Variants in SUPT7L observed in about 807,000 individuals in gnomAD.
SUPT7L encodes STAGA complex 65 subunit gamma.
A neutral mutation model predicts 35.7 loss-of-function variants in SUPT7L; 15 were observed. That is an observed-to-expected ratio of 0.42 (90% confidence interval 0.28 to 0.65). SUPT7L has a LOEUF of 0.65. Ranked by LOEUF, SUPT7L falls within the 30% of genes least tolerant of loss-of-function variation. The pLI is 0.23. For synonymous variants in SUPT7L, 168 were observed against 186.2 expected (o/e 0.90, Z 0.79); for missense variants, 434 against 522.2 (o/e 0.83, Z 1.65).
downstream of SUPT7L, among the ~76,000 whole-genome samples, chr2:27,649,784 G>A (rs1452381002): frequency 2.0e-5 from 3 of 152,090 alleles, no homozygotes; most frequent in African/African-American, 7.2e-5. Flanking sequence ...ACTGATATTT[G>A]GGTAGATTTT....
At position 27,653,269 on chromosome 2, in the gene SUPT7L, T is replaced by C; in HGVS notation, c.*216A>G. ...ATTGCCATGCCAGCATCATATTTTA[T>C]CTGTGAAGGGTGGCTTGGTTGTGGA... On this transcript the variant is annotated 3_prime_UTR_variant, in exon 6 of 6. Transcript: ENST00000337768. The C allele has an allele frequency of 1.7e-6, 1 of 593,920 alleles. No homozygotes were observed. The highest frequency in any genetic ancestry group is 2.1e-5 in the South Asian group (1 of 48,016). The allele number at this position is 593,920 out of a possible 1,614,324, so 36.8% of individuals were successfully genotyped here.
At chr2:27,655,783 A>G (rs970498598) in intron 4 of SUPT7L, among the ~76,000 whole-genome samples, 181 bp from the exon 5 acceptor site, 3 of 152,232 alleles carry the variant, frequency 2.0e-5, no homozygotes, top group Admixed American at 1.3e-4. Flanking sequence ...AGAGATATGT[A>G]AAGAAAATTG....
chr2:27,657,304 GCA>G lies in SUPT7L; in HGVS notation c.744+39_744+40del. On this transcript the variant is annotated intron_variant, in intron 4 of 5. Transcript: ENST00000337768. The surrounding 1 kb of genome is among the most constrained non-coding windows in gnomAD (Gnocchi z 5.2). ...GGATCCTGCTGAACACTCCGAGATT[GCA>G]CAGACATCTGTGCCCACTTTTCAAC... The G allele has an allele frequency of 6.3e-7, 1 of 1,591,894 alleles. No homozygotes were observed. Among genetic ancestry groups the G allele is most frequent in the Non-Finnish European group, 8.6e-7 (1 of 1,166,474 alleles).
chr2:27,663,158 T>TGAGG (rs1479624347), intron 1 of SUPT7L, among the ~76,000 whole-genome samples, 171 bp downstream of exon 1: 3 of 151,988 alleles, frequency 2.0e-5, no homozygotes, highest in African/African-American at 7.2e-5. Context: ...TTTTTCAGAG[T>TGAGG]GAGGGCTGAG....
downstream of SUPT7L, among the ~76,000 whole-genome samples, chr2:27,647,420 C>G (rs2148089538): frequency 6.6e-6 from 1 of 152,288 alleles, no homozygotes; most frequent in East Asian, 1.9e-4. Flanking sequence ...CAGACCTTCT[C>G]TGAACTTACA....
At position 27,652,514 on chromosome 2, in the gene SUPT7L, A is replaced by C. The variant is rs1253774826; in HGVS notation, c.*971T>G. 2 of 152,452 alleles carry C rather than the reference A, an allele frequency of 1.3e-5. No homozygotes were observed. The highest frequency in any genetic ancestry group is 3.7e-4 in the East Asian group (2 of 5,338). The allele number at this position is 152,452 out of a possible 1,614,324, so 9.4% of individuals were successfully genotyped here. A position where few individuals can be genotyped will look rare whatever the true frequency, so the allele number is the denominator to read the frequency against. On this transcript the variant is annotated 3_prime_UTR_variant, in exon 6 of 6. Transcript: ENST00000337768. ...TCATTTACTTAATAAATACTGATTC[A>C]GTACTTATATATACAGATAGTCTGA...
intron 3 of SUPT7L, among the ~76,000 whole-genome samples, chr2:27,659,957 AAG>A (rs1674970942): frequency 6.6e-6 from 1 of 152,316 alleles, no homozygotes; most frequent in Admixed American, 6.5e-5. Flanking sequence ...GAAAATAAAA[AAG>A]TAATTGGCAT....
At chr2:27,661,885 A>G (rs1321356144) in intron 2 of SUPT7L, 1 of 473,038 alleles carries the variant, frequency 2.1e-6, no homozygotes, top group African/African-American at 2.0e-5. Flanking sequence ...GATAATAAGA[A>G]GTGGTTCTTA....
chr2:27,662,201 T>C lies in SUPT7L; in HGVS notation c.-9A>G, dbSNP rs779153508. 6.8e-6 allele frequency: 11 copies of C among 1,614,034 alleles called. No homozygotes were observed. The highest frequency in any genetic ancestry group is 2.7e-5 in the African/African-American group (2 of 74,944). ...CACCTTTGCAGATTCATTGTCCATA[T>C]GTCTCTTCAAGTTCAACAAACATTT... On this transcript the variant is annotated 5_prime_UTR_variant, in exon 2 of 6. Coordinates refer to ENST00000337768, the MANE Select transcript of SUPT7L (RefSeq NM_014860.3).
At chr2:27,644,981 T>A in the SUPT7L span, among the ~76,000 whole-genome samples, 2 of 152,152 alleles carry the variant, frequency 1.3e-5, no homozygotes, top group East Asian at 1.9e-4. Context: ...TTATTTATTT[T>A]TTTTGAGATA....
chr2:27,662,228 T>C lies in SUPT7L; in HGVS notation c.-36A>G. The stretch of plus-strand genomic sequence containing the variant: ...TCTCTTCAAGTTCAACAAACATTTA[T>C]CAAATGCCAGGCATTCTGTGTCGGT... On this transcript the variant is annotated 5_prime_UTR_variant, in exon 2 of 6. The change abolishes the stop of an existing upstream ORF in the 5' untranslated region. Coordinates refer to ENST00000337768, the MANE Select transcript of SUPT7L (RefSeq NM_014860.3). 1 of 1,611,664 alleles carries C rather than the reference T, an allele frequency of 6.2e-7. No homozygotes were observed. The highest frequency in any genetic ancestry group is 8.5e-7 in the Non-Finnish European group (1 of 1,177,766).
At position 27,653,382 on chromosome 2, in the gene SUPT7L, T is replaced by TAA. The variant is rs766169652; in HGVS notation, c.*101_*102dup. The TAA allele has an allele frequency of 6.8e-7, 1 of 1,477,522 alleles. No individual in the cohort carries two copies. Among genetic ancestry groups the TAA allele is most frequent in the Non-Finnish European group, 9.0e-7 (1 of 1,110,754 alleles). The allele number at this position is 1,477,522 out of a possible 1,614,324, so 91.5% of individuals were successfully genotyped here. On this transcript the variant is annotated 3_prime_UTR_variant, in exon 6 of 6. Coordinates refer to ENST00000337768, the MANE Select transcript of SUPT7L (RefSeq NM_014860.3). Reference sequence around the variant, plus strand: ...GGAATTAGGAAAAACCACTTGTGTTTAAGAACAGGAGTCAAATCAATTTTT... The same window carrying TAA: ...GGAATTAGGAAAAACCACTTGTGTTTAAAAGAACAGGAGTCAAATCAATTTTT...
At chr2:27,642,952 T>TACACACACACACAC in the SUPT7L span, among the ~76,000 whole-genome samples, 31 of 38,054 alleles carry the variant, frequency 8.1e-4, no homozygotes, top group Admixed American at 8.8e-3. Context: ...TTTATATATA[T>TACACACACACACAC]ATATATACAC....
rs777913728 is a variant in SUPT7L at position 27,661,349 on chromosome 2, G to C, written c.54C>G (p.Asn18Lys). Residue 18 changes from asparagine (N) to lysine (K), a missense_variant, in exon 3 of 6, where the codon AAC becomes AAG. By Grantham distance (94) the Asn-to-Lys change is moderately conservative. Around this residue, in one of 3 missense-constraint regions of SUPT7L, gnomAD observed 77 missense variants for 114.4 expected, o/e 0.67. Transcript: ENST00000337768. ...GTGGGAGCAAATCGAAGGAACTTCT[G>C]TTGGTCTGGCTTGATGATATTGGTA... Reference protein sequence around the residue: ...GEIPISSSQTNRSSFDLLPRE... With the variant: ...GEIPISSSQTKRSSFDLLPRE... 17 of 1,614,084 alleles carry C rather than the reference G, an allele frequency of 1.1e-5. No homozygotes were observed. The Middle Eastern group carries it at 1.6e-3, about 157-fold the overall frequency.
chr2:27,653,368 A>G lies in SUPT7L; in HGVS notation c.*117T>C. 1 of 1,436,476 alleles carries G rather than the reference A, an allele frequency of 7.0e-7. No individual in the cohort carries two copies. Among genetic ancestry groups the G allele is most frequent in the Non-Finnish European group, 9.3e-7 (1 of 1,077,386 alleles). The allele number at this position is 1,436,476 out of a possible 1,614,324, so 89.0% of individuals were successfully genotyped here. ...CGTCCAGTTCCTCTGGAATTAGGAA[A>G]AACCACTTGTGTTTAAGAACAGGAG... On this transcript the variant is annotated 3_prime_UTR_variant, in exon 6 of 6. Transcript: ENST00000337768.
intron 1 of SUPT7L, among the ~76,000 whole-genome samples, chr2:27,662,645 G>C (rs1327675395): frequency 6.6e-6 from 1 of 152,190 alleles, no homozygotes. Flanking sequence ...GTTATCCTTG[G>C]ATTTTAATTA....
Position 27,652,554 on chromosome 2 carries a change from C to T in SUPT7L, c.*931G>A, listed in dbSNP as rs576744474. The T allele has an allele frequency of 6.5e-6, 1 of 152,720 alleles. No homozygotes were observed. The allele number at this position is 152,720 out of a possible 1,614,324, so 9.5% of individuals were successfully genotyped here. ...AGATAGTCTGATGGATGAGTAACCA[C>T]AGTGATGTTGTTCAGGACATGATGT... is the stretch of plus-strand genomic sequence containing the variant. On this transcript the variant is annotated 3_prime_UTR_variant, in exon 6 of 6. Transcript: ENST00000337768.
chr2:27,660,969 A>C lies in SUPT7L; in HGVS notation c.419+15T>G. ...TGACTTGAGAAAAGTAAGATACAGC[A>C]AAGCCTTGCCTTACCGATAAAAGTC... On this transcript the variant is annotated intron_variant, in intron 3 of 5. Transcript: ENST00000337768. 1 of 1,607,038 alleles carries C rather than the reference A, an allele frequency of 6.2e-7. No individual in the cohort carries two copies. Among genetic ancestry groups the C allele is most frequent in the Non-Finnish European group, 8.5e-7 (1 of 1,175,184 alleles).
At chr2:27,659,133 G>C (rs1221717451) in intron 3 of SUPT7L, among the ~76,000 whole-genome samples, 1 of 152,168 alleles carries the variant, frequency 6.6e-6, no homozygotes, top group Non-Finnish European at 1.5e-5. Flanking sequence ...TTTTTGAGTT[G>C]GGCGTGTCTA....
Sources: gnomAD v4.1 joint callset for allele counts (sites outside exome capture counted in the v4.1 genomes callset) on GRCh38, gnomAD v4.1.1 for gene constraint, gnomAD v4.1.1 regional missense constraint, Gnocchi (gnomAD v3.1) non-coding constraint, MANE v1.5 for transcripts, NCBI Gene and HGNC (gene_info 2026-07-23, HGNC 2026-07-21) for gene names.